The following POLR2E variants were observed in gnomAD, a reference collection of about 807,000 sequenced individuals.
POLR2E encodes RNA polymerase II, I and III subunit E, also known as DNA-directed RNA polymerases I, II, and III subunit RPABC1.
POLR2E carries 35 observed loss-of-function variants against 29.8 expected under a neutral mutation model. That is an observed-to-expected ratio of 1.17 (90% CI 0.90 to 1.55). POLR2E has a LOEUF of 1.55. Ranked by LOEUF, POLR2E falls within the 40% of genes most tolerant of loss-of-function variation. POLR2E has a pLI of 0.00. For synonymous variants in POLR2E, 174 were observed against 112.6 expected (o/e 1.55, Z -3.45); for missense variants, 287 against 288.6 (o/e 0.99, Z 0.04).
chr19:1,089,635 G>A (rs950570466), intron 6 of POLR2E, 84 bp from the exon 7 acceptor site: 6 of 1,197,160 alleles, frequency 5.0e-6, no homozygotes, highest in Non-Finnish European at 7.4e-6. Context: ...CACACGGGCT[G>A]GGGATGGCCG....
At position 1,095,306 on chromosome 19, in the gene POLR2E, C is replaced by A; in HGVS notation, c.10G>T (p.Glu4Ter). 6.2e-7 allele frequency: 1 copy of A among 1,613,120 alleles called. No individual in the cohort carries two copies. The highest frequency in any genetic ancestry group is 8.5e-7 in the Non-Finnish European group (1 of 1,179,768). MDD[E>*]EETYRLWKIR... ...TTCCAGAGCCGGTACGTCTCCTCCTCGTCGTCCATGGCAGCCTCCGCCGCC... is the reference window on the plus strand; with the variant it reads ...TTCCAGAGCCGGTACGTCTCCTCCTAGTCGTCCATGGCAGCCTCCGCCGCC... Residue 4 changes from glutamate to a stop codon, truncating the protein, a stop_gained, in exon 1 of 8, where the codon GAG (glutamate) becomes TAG (stop). Transcript: ENST00000615234. LOFTEE classifies it high-confidence loss of function.
chr19:1,089,993 A>G (rs56377324), intron 5 of POLR2E, 31 bp from the exon 6 acceptor site: 17,557 of 1,246,338 alleles, frequency 0.014, 138 homozygotes, highest in African/African-American at 0.056. Flanking sequence ...AATGCCAGAC[A>G]GGGCCGTTGG....
intron 2 of POLR2E, among the ~76,000 whole-genome samples, 178 bp from the exon 3 acceptor site, chr19:1,092,085 A>G (rs2043845151): frequency 6.6e-6 from 1 of 152,158 alleles, no homozygotes; most frequent in Admixed American, 6.5e-5. Flanking sequence ...ACAGGGGAAG[A>G]GAGGGCTGAA....
At chr19:1,093,479 T>G (rs1599796720) in intron 2 of POLR2E, among the ~76,000 whole-genome samples, 2 of 139,860 alleles carry the variant, frequency 1.4e-5, no homozygotes, top group African/African-American at 2.7e-5. Context: ...GGGCATGGGG[T>G]GCGGAGGAAT....
At position 1,088,309 on chromosome 19, in the gene POLR2E, C is replaced by G. The variant is rs961062831; in HGVS notation, c.*426G>C. 1 of 152,302 alleles carries G rather than the reference C, an allele frequency of 6.6e-6. No individual in the cohort carries two copies. Among genetic ancestry groups the G allele is most frequent in the Admixed American group, 6.5e-5 (1 of 15,276 alleles). 9.4% of individuals were successfully genotyped at this position (152,302 alleles called of 1,614,324 possible). On this transcript the variant is annotated 3_prime_UTR_variant, in exon 8 of 8. Transcript: ENST00000615234. ...CATGGCTGTGAATGGAGTAAAGAGC[C>G]GAGGCCGGGCGGGGGCCGCCACGCA...
intron 2 of POLR2E, among the ~76,000 whole-genome samples, chr19:1,093,326 G>C (rs1223487975): frequency 6.6e-6 from 1 of 152,262 alleles, no homozygotes; most frequent in African/African-American, 2.4e-5. Flanking sequence ...AACCGCTGAG[G>C]GCTTTAGAGC....
At position 1,090,006 on chromosome 19, in the gene POLR2E, G is replaced by A. The variant is rs1482743409; in HGVS notation, c.489-44C>T. On this transcript the variant is annotated intron_variant, in intron 5 of 7. Transcript: ENST00000615234. ...AAAATGCCAGACAGGGCCGTTGGGGGGGCAGGGGTGTGTGTGGGGGGGGAA... is the reference window on the plus strand; with the variant it reads ...AAAATGCCAGACAGGGCCGTTGGGGAGGCAGGGGTGTGTGTGGGGGGGGAA... The A allele has an allele frequency of 3.2e-6, 5 of 1,546,694 alleles. No individual in the cohort carries two copies. In the Admixed American group the frequency reaches 5.3e-5, roughly 16 times the overall value.
chr19:1,089,356 C>G, intron 7 of POLR2E, 116 bp downstream of exon 7: 1 of 685,954 alleles, frequency 1.5e-6, no homozygotes, highest in Non-Finnish European at 2.5e-6. Flanking sequence ...CCCAGCTGGG[C>G]TGGTGCTAGG....
chr19:1,095,298 C>A lies in POLR2E; in HGVS notation c.18G>T (p.Glu6Asp), dbSNP rs750105802. 5.6e-6 allele frequency: 9 copies of A among 1,613,108 alleles called. No individual in the cohort carries two copies. The highest frequency in any genetic ancestry group is 7.6e-6 in the Non-Finnish European group (9 of 1,179,796). Residue 6 changes from glutamate to aspartate, a missense_variant, in exon 1 of 8, where the codon GAG becomes GAT. Physicochemically the swap from Glu to Asp is conservative, Grantham distance 45. Transcript: ENST00000615234. ...TGCGGATTTTCCAGAGCCGGTACGT[C>A]TCCTCCTCGTCGTCCATGGCAGCCT... MDDEEETYRLWKIRKT... is the reference protein window; with the variant it reads MDDEEDTYRLWKIRKT...
intron 2 of POLR2E, among the ~76,000 whole-genome samples, chr19:1,092,158 G>A (rs1208406479): frequency 1.3e-5 from 2 of 152,216 alleles, no homozygotes; most frequent in Non-Finnish European, 2.9e-5. Context: ...CAGAGACCAG[G>A]GAGAAGCAGA....
rs181768644 is a variant in POLR2E at position 1,092,497 on chromosome 19, C to G, written c.233-590G>C. Among the ~76,000 whole-genome samples, 490 of 151,332 alleles carry G rather than the reference C, an allele frequency of 3.2e-3. 3 individuals are homozygous for G. Among genetic ancestry groups the G allele is most frequent in the African/African-American group, 0.011 (465 of 41,258 alleles). The stretch of plus-strand genomic sequence containing the variant: ...TGGGCAGATCACGATGTCAGGAGAT[C>G]GAGACCACCCTGGCTAACAAGGTGA... On this transcript the variant is annotated intron_variant, in intron 2 of 7. Coordinates refer to ENST00000615234, the MANE Select transcript of POLR2E (RefSeq NM_002695.5).
chr19:1,091,798 G>T lies in POLR2E; in HGVS notation c.342C>A (p.Ala114=). Reference sequence around the variant, plus strand: ...GTGGGGCAGGGGTGCCCACCTGCTTGGCGGAGGGTGTCATGCCCTGCTGCA... The same window carrying T: ...GTGGGGCAGGGGTGCCCACCTGCTTTGCGGAGGGTGTCATGCCCTGCTGCA... ...IVVQQGMTPS[A]KQSLVDMAPK... The change falls in exon 3 of 8, where the codon GCC becomes GCA. Residue 114 remains alanine (A), a synonymous_variant. Coordinates refer to ENST00000615234, the MANE Select transcript of POLR2E (RefSeq NM_002695.5). 6.2e-7 allele frequency: 1 copy of T among 1,604,732 alleles called. No homozygotes were observed.
Position 1,091,780 on chromosome 19 carries a change from AGGGGT to A in POLR2E, c.348+7_348+11del, listed in dbSNP as rs2043838037. 6.5e-6 allele frequency: 10 copies of A among 1,540,276 alleles called. No homozygotes were observed. The highest frequency in any genetic ancestry group is 1.4e-5 in the African/African-American group (1 of 73,380). On this transcript the variant is annotated splice_region_variant and intron_variant, in intron 3 of 7. Transcript: ENST00000615234. ...GGGGGAGAGGCTGGCGGGGTGGGGC[AGGGGT>A]GCCCACCTGCTTGGCGGAGGGTGTC...
At chr19:1,093,849 C>A (rs1416521471) in intron 2 of POLR2E, 55 bp downstream of exon 2, 1 of 1,505,686 alleles carries the variant, frequency 6.6e-7, no homozygotes, top group African/African-American at 1.4e-5. Context: ...GCGACCGGCT[C>A]CTCGGCAGGT....
Position 1,091,876 on chromosome 19 carries a change from C to T in POLR2E, c.264G>A (p.Lys88=), listed in dbSNP as rs1200746815. Residue 88 remains lysine (K), a synonymous_variant, in exon 3 of 8, where the codon AAG becomes AAA. Transcript: ENST00000615234. Reference sequence around the variant, plus strand: ...CCTCCTGCATGCGCTGGCAGTACACCTTGATGGTCTTGATGCCCACCTTGG... The same window carrying T: ...CCTCCTGCATGCGCTGGCAGTACACTTTGATGGTCTTGATGCCCACCTTGG... ...EEPKVGIKTI[K]VYCQRMQEEN... 6.2e-7 allele frequency: 1 copy of T among 1,612,520 alleles called. No homozygotes were observed. The highest frequency in any genetic ancestry group is 2.2e-5 in the East Asian group (1 of 44,878).
chr19:1,093,802 C>A (rs1202471496), intron 2 of POLR2E, 102 bp downstream of exon 2: 1 of 1,440,618 alleles, frequency 6.9e-7, no homozygotes, highest in Non-Finnish European at 9.1e-7. Context: ...GGCAGAGAGA[C>A]AAATGCTGGG....
At position 1,088,410 on chromosome 19, in the gene POLR2E, C is replaced by A. The variant is rs1403252793; in HGVS notation, c.*325G>T. The A allele has an allele frequency of 6.6e-6, 1 of 152,324 alleles. No homozygotes were observed. The highest frequency in any genetic ancestry group is 1.9e-4 in the East Asian group (1 of 5,206). 9.4% of individuals were successfully genotyped at this position (152,324 alleles called of 1,614,324 possible). The stretch of plus-strand genomic sequence containing the variant: ...GAGGAAGCAGTGGCTGGTGGGAGAC[C>A]CGGACCCCAAACCCCCAACAGAGGG... On this transcript the variant is annotated 3_prime_UTR_variant, in exon 8 of 8. Coordinates refer to ENST00000615234, the MANE Select transcript of POLR2E (RefSeq NM_002695.5).
chr19:1,093,715 G>A (rs1207290659), intron 2 of POLR2E, 189 bp downstream of exon 2: 1 of 1,375,974 alleles, frequency 7.3e-7, no homozygotes, highest in Non-Finnish European at 9.4e-7. Context: ...CTAGAAAGAA[G>A]CTGAGCATGA....
rs993202207 is a variant in POLR2E, at chr19:1,091,077, G to A, written c.349-89C>T. ...GCCTCAAGCTACCTGGGGCTTACTCGTGTGCCCCAACAACACACCCACGTC... is the reference window on the plus strand; with the variant it reads ...GCCTCAAGCTACCTGGGGCTTACTCATGTGCCCCAACAACACACCCACGTC... On this transcript the variant is annotated intron_variant, in intron 3 of 7. Transcript: ENST00000615234. 24 of 1,143,958 alleles carry A rather than the reference G, an allele frequency of 2.1e-5. No individual in the cohort carries two copies. In the African/African-American group the frequency reaches 2.8e-4, roughly 13 times the overall value. 70.9% of individuals were successfully genotyped at this position (1,143,958 alleles called of 1,614,324 possible).
Sources: gnomAD v4.1 joint callset for allele counts (sites outside exome capture counted in the v4.1 genomes callset) on GRCh38, gnomAD v4.1.1 for gene constraint, MANE v1.5 for transcripts, NCBI Gene and HGNC (gene_info 2026-07-23, HGNC 2026-07-21) for gene names.